FARS2: variants seen among roughly 807,000 people sequenced by gnomAD.
FARS2 encodes phenylalanine--tRNA ligase, mitochondrial.
FARS2 carries 40 observed loss-of-function variants against 46.4 expected under a neutral mutation model. The observed-to-expected ratio is 0.86, with a 90% CI of 0.67 to 1.12. The LOEUF is 1.12. Ranked by LOEUF, FARS2 falls within the 50% of genes most tolerant of loss-of-function variation. FARS2 has a pLI of 0.00. For missense variants in FARS2, 513 were observed against 567.9 expected, an observed-to-expected ratio of 0.90 and a Z score of 0.98; for synonymous variants, 234 against 214.9, an observed-to-expected ratio of 1.09 and a Z score of -0.78.
rs560805539 is a variant in FARS2 at position 5,764,320 on chromosome 6, A to C, written c.1218-6971A>C. On this transcript the variant is annotated intron_variant, in intron 6 of 6. Coordinates refer to ENST00000274680, the MANE Select transcript of FARS2 (RefSeq NM_006567.5). This position sits in a 1 kb window ranked among gnomAD's most constrained non-coding sequence, Gnocchi z 4.1. ...CACTCCACCATGCCCATTCACTTCT[A>C]TATTTTCAGGAGAGGCCATGGAACC... is the stretch of plus-strand genomic sequence containing the variant. Among the ~76,000 whole-genome samples, 3 of 152,042 alleles carry C rather than the reference A, an allele frequency of 2.0e-5. No individual in the cohort carries two copies. The highest frequency in any genetic ancestry group is 2.9e-5 in the Non-Finnish European group (2 of 68,002).
intron 4 of FARS2, among the ~76,000 whole-genome samples, chr6:5,544,613 G>C (rs553969387): frequency 6.6e-6 from 1 of 152,124 alleles, no homozygotes; most frequent in South Asian, 2.1e-4. Context: ...TATACCCCTC[G>C]TCTGGGCCTG....
chr6:5,644,764 G>T (rs2150746780), intron 6 of FARS2, among the ~76,000 whole-genome samples: 1 of 152,300 alleles, frequency 6.6e-6, no homozygotes. Flanking sequence ...ATGTTCCTAA[G>T]GCTCAGCCTG....
At chr6:5,459,171 A>G (rs931441313) in intron 4 of FARS2, among the ~76,000 whole-genome samples, 4 of 152,202 alleles carry the variant, frequency 2.6e-5, no homozygotes, top group Non-Finnish European at 4.4e-5. Context: ...TTGGACCTGC[A>G]TTACTTCTAA....
intron 6 of FARS2, among the ~76,000 whole-genome samples, chr6:5,745,098 G>C (rs1761561317): frequency 6.6e-6 from 1 of 152,224 alleles, no homozygotes; most frequent in Non-Finnish European, 1.5e-5. Flanking sequence ...CTAGAAAAGA[G>C]CCATTAATGA....
In FARS2 at chr6:5,460,054, G is replaced by A. The variant is rs529529515; in HGVS notation, c.904+28882G>A. Reference sequence around the variant, plus strand: ...GTTAGAGCGTGTTTTGGGATAGATCGGTGCTCTGCATTAGGTTATTTTGAC... The same window carrying A: ...GTTAGAGCGTGTTTTGGGATAGATCAGTGCTCTGCATTAGGTTATTTTGAC... On this transcript the variant is annotated intron_variant, in intron 4 of 6. Coordinates refer to ENST00000274680, the MANE Select transcript of FARS2 (RefSeq NM_006567.5). Among the ~76,000 whole-genome samples the A allele has an allele frequency of 3.3e-4, 51 of 152,272 alleles. 2 individuals carry two copies. The South Asian group carries it at 9.3e-3, about 28-fold the overall frequency.
chr6:5,560,544 C>T (rs2150534326), intron 5 of FARS2, among the ~76,000 whole-genome samples: 1 of 152,102 alleles, frequency 6.6e-6, no homozygotes, highest in Admixed American at 6.5e-5. Flanking sequence ...TTACGATCTT[C>T]TCAGGTTTTG....
chr6:5,566,128 A>G (rs1468355817), intron 5 of FARS2, among the ~76,000 whole-genome samples: 1 of 152,206 alleles, frequency 6.6e-6, no homozygotes, highest in African/African-American at 2.4e-5. Flanking sequence ...CTATGGGAGA[A>G]GACAGCGTAG....
intron 4 of FARS2, among the ~76,000 whole-genome samples, chr6:5,463,342 A>G (rs1396648200): frequency 6.6e-6 from 1 of 152,182 alleles, no homozygotes; most frequent in Admixed American, 6.5e-5. Context: ...GTTGTTTATT[A>G]GTTCTAGAAG....
chr6:5,673,697 C>G (rs1288334676), intron 6 of FARS2, among the ~76,000 whole-genome samples: 1 of 152,024 alleles, frequency 6.6e-6, no homozygotes, highest in Non-Finnish European at 1.5e-5. Context: ...CTGAGAAACT[C>G]AAATGTATGG....
intron 4 of FARS2, among the ~76,000 whole-genome samples, chr6:5,476,039 A>G (rs568618846): frequency 2.9e-4 from 44 of 152,276 alleles, no homozygotes; most frequent in East Asian, 1.5e-3. Context: ...TGAGGGACCA[A>G]TGAGACATGA....
At chr6:5,369,475 A>G (rs1013247388) in intron 2 of FARS2, among the ~76,000 whole-genome samples, 2 of 152,144 alleles carry the variant, frequency 1.3e-5, no homozygotes, top group African/African-American at 4.8e-5. Context: ...ATGAATGGAG[A>G]ATAGTCTGTG....
intron 3 of FARS2, among the ~76,000 whole-genome samples, chr6:5,417,107 T>C (rs1762284573): frequency 6.6e-6 from 1 of 152,232 alleles, no homozygotes; most frequent in Non-Finnish European, 1.5e-5. Context: ...GGTCTGCTTC[T>C]GCTAGTGATG....
intron 4 of FARS2, among the ~76,000 whole-genome samples, chr6:5,485,098 T>C (rs144380162): frequency 6.6e-6 from 1 of 152,238 alleles, no homozygotes; most frequent in East Asian, 1.9e-4. Context: ...TAGTTGAACT[T>C]ATTGGCTACT....
At chr6:5,770,627 C>T (rs372913281) in intron 6 of FARS2, among the ~76,000 whole-genome samples, 1 of 152,206 alleles carries the variant, frequency 6.6e-6, no homozygotes, top group East Asian at 1.9e-4. Flanking sequence ...TGTGTCTTAG[C>T]ACCTGCCATG....
intron 6 of FARS2, among the ~76,000 whole-genome samples, chr6:5,742,039 A>G (rs938093479): frequency 1.3e-5 from 2 of 152,224 alleles, no homozygotes; most frequent in African/African-American, 4.8e-5. Flanking sequence ...TCAGCCAGCT[A>G]TTCTGCCCAA....
intron 1 of FARS2, among the ~76,000 whole-genome samples, chr6:5,295,206 G>GT (rs764548861): frequency 5.9e-5 from 9 of 152,174 alleles, no homozygotes; most frequent in Non-Finnish European, 1.2e-4. Flanking sequence ...CGTCATATAC[G>GT]TTATATCCTC....
chr6:5,371,626 G>C (rs1759071184), intron 2 of FARS2, among the ~76,000 whole-genome samples: 1 of 152,102 alleles, frequency 6.6e-6, no homozygotes, highest in South Asian at 2.1e-4. Flanking sequence ...TTGAAAGTCT[G>C]CTAAGGCTCT....
chr6:5,607,285 ATGTGTGTGTGTG>A (rs200898031), intron 5 of FARS2, among the ~76,000 whole-genome samples: 4,440 of 74,994 alleles, frequency 0.059, 84 homozygotes, highest in Middle Eastern at 0.15. Context: ...AATAATATGT[ATGTGTGTGTGTG>A]TGTGTGTGTG....
intron 6 of FARS2, among the ~76,000 whole-genome samples, chr6:5,726,386 C>T (rs1337986592): frequency 6.6e-6 from 1 of 152,156 alleles, no homozygotes. Flanking sequence ...GAAGACTCTG[C>T]TGCAGCATGG....
Sources: allele counts gnomAD v4.1 joint callset (sites outside exome capture counted in the v4.1 genomes callset), GRCh38; gene constraint gnomAD v4.1.1; non-coding constraint Gnocchi (gnomAD v3.1); transcripts MANE v1.5; gene names NCBI Gene and HGNC (gene_info 2026-07-23, HGNC 2026-07-21).